The following ZNF287 variants were observed in gnomAD, a reference collection of about 807,000 sequenced individuals.
ZNF287 encodes zinc finger protein 287, also known as zinc finger protein with KRAB and SCAN domains 13.
Under a neutral mutation model 73.7 loss-of-function variants are expected in ZNF287, and 31 were observed. The ratio of observed to expected loss-of-function variants is 0.42; its 90% CI spans 0.32 to 0.57. ZNF287 has a LOEUF of 0.57. Ranked by LOEUF, ZNF287 falls within the 20% of genes least tolerant of loss-of-function variation. The pLI is 0.13. For missense variants in ZNF287, 641 were observed against 909.3 expected (o/e 0.70, Z 3.79); for synonymous variants, 301 against 307.2 (o/e 0.98, Z 0.21).
intron 5 of ZNF287, 137 bp from the exon 6 acceptor site, chr17:16,553,563 C>A: frequency 1.5e-6 from 1 of 682,852 alleles, no homozygotes; most frequent in South Asian, 3.7e-5. Flanking sequence ...GTCTTTAAAA[C>A]TTGGGAAAGG....
Position 16,567,826 on chromosome 17 carries a change from A to C in ZNF287, c.-95T>G. 2.0e-6 allele frequency: 3 copies of C among 1,503,064 alleles called. No homozygotes were observed. The highest frequency in any genetic ancestry group is 2.6e-6 in the Non-Finnish European group (3 of 1,134,488). 93.1% of individuals were successfully genotyped at this position (1,503,064 alleles called of 1,614,324 possible). ...CTCATGCTAGAGTCACAAGGACACTATATCAAAGGCTGCTGCAGCCGAGGG... is the reference window on the plus strand; with the variant it reads ...CTCATGCTAGAGTCACAAGGACACTCTATCAAAGGCTGCTGCAGCCGAGGG... On this transcript the variant is annotated 5_prime_UTR_variant, in exon 2 of 6. Transcript: ENST00000395825.
chr17:16,560,311 T>C (rs1907345797), intron 5 of ZNF287, among the ~76,000 whole-genome samples: 1 of 94,844 alleles, frequency 1.1e-5, no homozygotes, highest in East Asian at 2.4e-4. Context: ...AACAGTGGTG[T>C]ATATATATAT....
chr17:16,554,928 T>A (rs1456975140), intron 5 of ZNF287, among the ~76,000 whole-genome samples: 1 of 151,874 alleles, frequency 6.6e-6, no homozygotes, highest in Non-Finnish European at 1.5e-5. Context: ...TCCAAAAAAA[T>A]AAAATAAAAC....
At chr17:16,566,687 C>T (rs1027979902) in intron 2 of ZNF287, 65 bp from the exon 3 acceptor site, 1 of 1,105,984 alleles carries the variant, frequency 9.0e-7, no homozygotes, top group Admixed American at 2.3e-5. Flanking sequence ...AAACCCCTCA[C>T]CAAATAGATG....
In ZNF287 at chr17:16,567,320, G is replaced by A; in HGVS notation, c.403+9C>T. On this transcript the variant is annotated intron_variant, in intron 2 of 5. Coordinates refer to ENST00000395825, the MANE Select transcript of ZNF287 (RefSeq NM_020653.4). The stretch of plus-strand genomic sequence containing the variant: ...GGGATTCCTCCCCTCTCTGCTCTAT[G>A]ATTCTCACCTTCCTCTTCTAGAATC... The A allele has an allele frequency of 1.2e-6, 2 of 1,607,458 alleles. No homozygotes were observed.
In ZNF287 at chr17:16,567,314, C is replaced by G. The variant is rs529239634; in HGVS notation, c.403+15G>C. 1.2e-6 allele frequency: 2 copies of G among 1,603,294 alleles called. No homozygotes were observed. Among genetic ancestry groups the G allele is most frequent in the South Asian group, 2.2e-5 (2 of 89,114 alleles). On this transcript the variant is annotated intron_variant, in intron 2 of 5. Coordinates refer to ENST00000395825, the MANE Select transcript of ZNF287 (RefSeq NM_020653.4). Reference sequence around the variant, plus strand: ...CACCCAGGGATTCCTCCCCTCTCTGCTCTATGATTCTCACCTTCCTCTTCT... The same window carrying G: ...CACCCAGGGATTCCTCCCCTCTCTGGTCTATGATTCTCACCTTCCTCTTCT...
chr17:16,559,658 G>A, intron 5 of ZNF287, among the ~76,000 whole-genome samples: 1 of 151,540 alleles, frequency 6.6e-6, no homozygotes. Flanking sequence ...CAGTGAATAC[G>A]CTTATGGCCC....
At chr17:16,566,447 T>C (rs1907746688) in intron 3 of ZNF287, 78 bp downstream of exon 3, 2 of 1,175,688 alleles carry the variant, frequency 1.7e-6, no homozygotes, top group African/African-American at 3.1e-5. Context: ...GGGGGCACAG[T>C]AGTTATAGGG....
Position 16,567,380 on chromosome 17 carries a change from C to T in ZNF287, c.352G>A (p.Glu118Lys), listed in dbSNP as rs1907810776. ...WVKSQYPESS[E>K]EAVTLVEDLT... ...TCCTCCACCAGAGTCACTGCTTCCT[C>T]GCTGCTCTCTGGATACTGGGACTTT... Residue 118 changes from glutamate (E) to lysine (K), a missense_variant, in exon 2 of 6, where the codon GAG becomes AAG. Physicochemically the swap from Glu to Lys is moderately conservative, Grantham distance 56 (BLOSUM62 1). This residue lies in a region of ZNF287 where 357 missense variants were observed against 442.4 expected (regional missense o/e 0.81). Coordinates refer to ENST00000395825, the MANE Select transcript of ZNF287 (RefSeq NM_020653.4). 3 of 1,614,152 alleles carry T rather than the reference C, an allele frequency of 1.9e-6. No homozygotes were observed. Among genetic ancestry groups the T allele is most frequent in the Non-Finnish European group, 2.5e-6 (3 of 1,180,022 alleles).
chr17:16,559,041 C>T (rs920986701), intron 5 of ZNF287: 2 of 151,372 alleles, frequency 1.3e-5, no homozygotes, highest in Admixed American at 6.6e-5. Context: ...AAGCAAGATG[C>T]AAGAATATAC....
At chr17:16,559,572 AAC>A (rs148356389) in intron 5 of ZNF287, among the ~76,000 whole-genome samples, 103 of 147,442 alleles carry the variant, frequency 7.0e-4, no homozygotes, top group East Asian at 1.0e-3. Context: ...TAAAAGAACT[AAC>A]ACACACACAC....
intron 3 of ZNF287, among the ~76,000 whole-genome samples, chr17:16,564,195 G>A (rs1223514275): frequency 6.6e-6 from 1 of 152,076 alleles, no homozygotes; most frequent in African/African-American, 2.4e-5. Context: ...AAAAGGAAAA[G>A]GTTTATTATC....
In ZNF287 at chr17:16,547,734, G is replaced by T. The variant is rs1017591576; in HGVS notation, c.*4122C>A. 1.3e-3 allele frequency among the ~76,000 whole-genome samples: 198 copies of T among 152,258 alleles called. No homozygotes were observed. The highest frequency in any genetic ancestry group is 4.6e-3 in the African/African-American group (190 of 41,550). On this transcript the variant is annotated 3_prime_UTR_variant, in exon 6 of 6. Coordinates refer to ENST00000395825, the MANE Select transcript of ZNF287 (RefSeq NM_020653.4). ...TTCTTGGAAAAAGGTTTCATTCCAG[G>T]CCTGGGGCATTGAAAATGCAAGGCC...
At position 16,553,497 on chromosome 17, in the gene ZNF287, G is replaced by A. The variant is rs1906838818; in HGVS notation, c.716-71C>T. 4 of 1,198,700 alleles carry A rather than the reference G, an allele frequency of 3.3e-6. No individual in the cohort carries two copies. The Admixed American group carries it at 1.2e-4, about 37-fold the overall frequency. The allele number at this position is 1,198,700 out of a possible 1,614,324, so 74.3% of individuals were successfully genotyped here. ...GGAAACTGCCAAAATAGAAACAAAA[G>A]AATAAACATAGATAAAATGCCCAAA... On this transcript the variant is annotated intron_variant, in intron 5 of 5. Coordinates refer to ENST00000395825, the MANE Select transcript of ZNF287 (RefSeq NM_020653.4).
In ZNF287 at chr17:16,549,622, A is replaced by G. The variant is rs549630232; in HGVS notation, c.*2234T>C. ...ATCAAGTTTTTTAAAGAAAACACTCAATAATATAGCCTTTAGGATACTAGC... is the reference window on the plus strand; with the variant it reads ...ATCAAGTTTTTTAAAGAAAACACTCGATAATATAGCCTTTAGGATACTAGC... On this transcript the variant is annotated 3_prime_UTR_variant, in exon 6 of 6. Transcript: ENST00000395825. Among the ~76,000 whole-genome samples the G allele has an allele frequency of 2.6e-5, 4 of 152,336 alleles. No individual in the cohort carries two copies. In the East Asian group the frequency reaches 7.7e-4, roughly 29 times the overall value.
intron 3 of ZNF287, among the ~76,000 whole-genome samples, chr17:16,564,354 C>T (rs956231398): frequency 2.6e-5 from 4 of 152,140 alleles, no homozygotes; most frequent in African/African-American, 9.7e-5. Flanking sequence ...GCACACACCA[C>T]CACATCTGGC....
In ZNF287 at chr17:16,552,530, A is replaced by G. The variant is rs1906745056; in HGVS notation, c.1612T>C (p.Cys538Arg). The G allele has an allele frequency of 6.2e-7, 1 of 1,614,022 alleles. No individual in the cohort carries two copies. The highest frequency in any genetic ancestry group is 8.5e-7 in the Non-Finnish European group (1 of 1,180,000). The change falls in exon 6 of 6, where the codon TGC becomes CGC. Residue 538 changes from cysteine (C) to arginine (R), a missense_variant. Cys to Arg is a radical substitution (Grantham distance 180). Transcript: ENST00000395825. This position sits in a 1 kb window ranked among gnomAD's most constrained non-coding sequence, Gnocchi z 6.5. ...KIHTGKKPYKCNECWKVFSQS... is the reference protein window; with the variant it reads ...KIHTGKKPYKRNECWKVFSQS... ...CTAAACACTTTCCAACATTCATTGC[A>G]TTTATATGGTTTCTTCCCAGTATGT...
Position 16,551,796 on chromosome 17 carries a change from G to A in ZNF287, c.*60C>T. 1 of 1,520,854 alleles carries A rather than the reference G, an allele frequency of 6.6e-7. No homozygotes were observed. The highest frequency in any genetic ancestry group is 1.3e-5 in the South Asian group (1 of 75,332). The allele number at this position is 1,520,854 out of a possible 1,614,324, so 94.2% of individuals were successfully genotyped here. On this transcript the variant is annotated 3_prime_UTR_variant, in exon 6 of 6. Transcript: ENST00000395825. ...CTTCTTCTGAATGTTCTGACACATA[G>A]AATGCACAAAACAAAATTGAAACAA...
At chr17:16,555,384 A>G (rs922225474) in intron 5 of ZNF287, among the ~76,000 whole-genome samples, 1 of 152,146 alleles carries the variant, frequency 6.6e-6, no homozygotes, top group Non-Finnish European at 1.5e-5. Context: ...TATGCAGCAC[A>G]TGACTGTAAT....
Sources: gnomAD v4.1 joint callset for allele counts (sites outside exome capture counted in the v4.1 genomes callset) on GRCh38, gnomAD v4.1.1 for gene constraint, gnomAD v4.1.1 regional missense constraint, Gnocchi (gnomAD v3.1) non-coding constraint, MANE v1.5 for transcripts, NCBI Gene and HGNC (gene_info 2026-07-23, HGNC 2026-07-21) for gene names.